The following AFAP1L1 variants were observed in gnomAD, a reference collection of about 807,000 sequenced individuals.
AFAP1L1 encodes the protein actin filament-associated protein 1-like 1.
In AFAP1L1, 77 loss-of-function variants were observed where a neutral mutation model predicts 99.8. The ratio of observed to expected loss-of-function variants is 0.77; its 90% CI spans 0.64 to 0.93. The LOEUF (loss-of-function observed/expected upper bound fraction) is 0.93, where lower values mean the gene tolerates loss of function less well. Ranked by LOEUF, AFAP1L1 falls within the 40% of genes least tolerant of loss-of-function variation. The pLI is 0.00. For missense variants in AFAP1L1, 893 were observed against 996.8 expected, an observed-to-expected ratio of 0.90 and a Z score of 1.40; for synonymous variants, 373 against 395.3, an observed-to-expected ratio of 0.94 and a Z score of 0.67.
At chr5:149,292,045 C>T (rs1182380577) in intron 1 of AFAP1L1, among the ~76,000 whole-genome samples, 1 of 152,204 alleles carries the variant, frequency 6.6e-6, no homozygotes, top group African/African-American at 2.4e-5. Flanking sequence ...TGTATATTTT[C>T]CTATGGCTTT....
intron 4 of AFAP1L1, among the ~76,000 whole-genome samples, chr5:149,302,168 G>T (rs1756242999): frequency 6.6e-6 from 1 of 152,250 alleles, no homozygotes. Context: ...TAAAAAGTAT[G>T]ACTACTACTG....
At chr5:149,310,259 C>G in intron 8 of AFAP1L1, 124 bp downstream of exon 8, 2 of 1,226,564 alleles carry the variant, frequency 1.6e-6, no homozygotes, top group Non-Finnish European at 2.2e-6. Context: ...CCCAAGTGCC[C>G]TCTGCGTGGC....
intron 12 of AFAP1L1, among the ~76,000 whole-genome samples, chr5:149,319,106 A>G (rs1756878592): frequency 6.6e-6 from 1 of 152,226 alleles, no homozygotes; most frequent in Non-Finnish European, 1.5e-5. Context: ...AATTAACATA[A>G]GTCCGTGTTT....
At position 149,307,479 on chromosome 5, in the gene AFAP1L1, C is replaced by T. The variant is rs763237025; in HGVS notation, c.613C>T (p.Arg205Ter). Residue 205 changes from arginine (R) to a stop codon, truncating the protein, a stop_gained, in exon 7 of 19, where the codon CGA becomes TGA. Transcript: ENST00000296721. LOFTEE classifies it high-confidence loss of function. ...GGAGGAAGGGAAGAGCCCGCAGCCC[C>T]GACACCAGTGGCCCTCAGAGGAGGC... The part of the protein sequence containing the change: ...EEEEGKSPQP[R>*]HQWPSEEASM... 1.1e-5 allele frequency: 17 copies of T among 1,614,012 alleles called. No individual in the cohort carries two copies. Among genetic ancestry groups the T allele is most frequent in the African/African-American group, 1.3e-5 (1 of 74,900 alleles).
At chr5:149,311,280 T>C (rs1004875571) in intron 8 of AFAP1L1, among the ~76,000 whole-genome samples, 1 of 152,194 alleles carries the variant, frequency 6.6e-6, no homozygotes. Context: ...AACCTGCCTG[T>C]TGGGGGAGCC....
At chr5:149,337,495 C>G (rs184970922) in intron 18 of AFAP1L1, among the ~76,000 whole-genome samples, 1 of 152,312 alleles carries the variant, frequency 6.6e-6, no homozygotes, top group African/African-American at 2.4e-5. Context: ...ACATATTAAG[C>G]ACCTGCTAAA....
chr5:149,272,805 C>G (rs1238245193), intron 1 of AFAP1L1, among the ~76,000 whole-genome samples: 1 of 152,014 alleles, frequency 6.6e-6, no homozygotes, highest in African/African-American at 2.4e-5. Context: ...CGGGTTCAAG[C>G]GATTCTCCTA....
At chr5:149,321,171 A>G (rs1756942052) in intron 14 of AFAP1L1, among the ~76,000 whole-genome samples, 1 of 152,124 alleles carries the variant, frequency 6.6e-6, no homozygotes, top group Non-Finnish European at 1.5e-5. Context: ...CTGAGTTTTC[A>G]CCTCTAGGAC....
Position 149,343,440 on chromosome 5 carries a change from A to G in AFAP1L1, c.*3410A>G, listed in dbSNP as rs1364465715. On this transcript the variant is annotated 3_prime_UTR_variant, in exon 19 of 19. Transcript: ENST00000296721. ...TGTCAGCTTTCCATCCTAAATCTCT[A>G]AAATTCATCCATATCTTCCTATCTT... Among the ~76,000 whole-genome samples the G allele has an allele frequency of 6.6e-6, 1 of 152,110 alleles. No homozygotes were observed. The highest frequency in any genetic ancestry group is 6.5e-5 in the Admixed American group (1 of 15,274).
At chr5:149,283,949 G>C (rs1003227099) in intron 1 of AFAP1L1, among the ~76,000 whole-genome samples, 1 of 152,232 alleles carries the variant, frequency 6.6e-6, no homozygotes, top group South Asian at 2.1e-4. Flanking sequence ...CAGAGAAAGT[G>C]AAACTTGGTC....
At position 149,295,573 on chromosome 5, in the gene AFAP1L1, T is replaced by C. The variant is rs751277765; in HGVS notation, c.17-3936T>C. Among the ~76,000 whole-genome samples the C allele has an allele frequency of 3.1e-5, 3 of 95,272 alleles. No homozygotes were observed. In the Admixed American group the frequency reaches 3.5e-4, roughly 11 times the overall value. The allele number at this position is 95,272 out of a possible 152,430, so 62.5% of individuals were successfully genotyped here. A position where few individuals can be genotyped will look rare whatever the true frequency, so the allele number is the denominator to read the frequency against. On this transcript the variant is annotated intron_variant, in intron 1 of 18. Transcript: ENST00000296721. ...ACAAAAGAAGGGAGAGAGGGAAAAA[T>C]AAAACGAAAAAAGAAAAAGAGGGAG...
chr5:149,327,029 T>A (rs187616551), intron 15 of AFAP1L1, among the ~76,000 whole-genome samples: 1 of 151,972 alleles, frequency 6.6e-6, no homozygotes, highest in Non-Finnish European at 1.5e-5. Context: ...AAATGACCAG[T>A]TTTCAACAAA....
chr5:149,284,100 G>A (rs1755604918), intron 1 of AFAP1L1, among the ~76,000 whole-genome samples: 1 of 152,218 alleles, frequency 6.6e-6, no homozygotes, highest in African/African-American at 2.4e-5. Flanking sequence ...GTGGAAAGAA[G>A]AGCCCAGAAG....
intron 17 of AFAP1L1, among the ~76,000 whole-genome samples, chr5:149,334,887 AAAAGAAAGAAAGG>A (rs893438331): frequency 2.6e-5 from 4 of 152,252 alleles, no homozygotes; most frequent in African/African-American, 9.6e-5. Flanking sequence ...TTACAAAAAA[AAAAGAAAGAAAGG>A]AAAGAAAGAA....
intron 1 of AFAP1L1, among the ~76,000 whole-genome samples, chr5:149,286,037 T>A (rs1309409857): frequency 1.3e-5 from 2 of 152,126 alleles, no homozygotes; most frequent in African/African-American, 4.8e-5. Flanking sequence ...CTCTGGCGCA[T>A]AGAACAGGGG....
chr5:149,300,478 C>G lies in AFAP1L1; in HGVS notation c.229+124C>G, dbSNP rs948224560. 4 of 759,942 alleles carry G rather than the reference C, an allele frequency of 5.3e-6. No individual in the cohort carries two copies. In the Admixed American group the frequency reaches 1.0e-4, roughly 19 times the overall value. 47.1% of individuals were successfully genotyped at this position (759,942 alleles called of 1,614,324 possible). A position where few individuals can be genotyped will look rare whatever the true frequency, so the allele number is the denominator to read the frequency against. Reference sequence around the variant, plus strand: ...CATCATTAAGTCGCTTTGGGCCAGTCCTTGGCCCCTCTGGGTTCTGCCAGC... The same window carrying G: ...CATCATTAAGTCGCTTTGGGCCAGTGCTTGGCCCCTCTGGGTTCTGCCAGC... On this transcript the variant is annotated intron_variant, in intron 3 of 18. Coordinates refer to ENST00000296721, the MANE Select transcript of AFAP1L1 (RefSeq NM_152406.4).
chr5:149,315,740 A>T, intron 9 of AFAP1L1, 81 bp from the exon 10 acceptor site: 1 of 1,132,574 alleles, frequency 8.8e-7, no homozygotes, highest in Non-Finnish European at 1.3e-6. Flanking sequence ...GGGGAGTTGG[A>T]GGGAGATTGA....
chr5:149,315,228 G>C (rs1561677282), intron 9 of AFAP1L1, among the ~76,000 whole-genome samples: 2 of 152,122 alleles, frequency 1.3e-5, no homozygotes, highest in South Asian at 4.1e-4. Context: ...GGGTGTGTGG[G>C]TGTGTGTCCC....
At chr5:149,282,012 C>A (rs1226628258) in intron 1 of AFAP1L1, among the ~76,000 whole-genome samples, 1 of 152,188 alleles carries the variant, frequency 6.6e-6, no homozygotes, top group African/African-American at 2.4e-5. Flanking sequence ...CTCTCATTAT[C>A]CCGGAATTAA....
Sources: gnomAD v4.1 joint callset for allele counts (sites outside exome capture counted in the v4.1 genomes callset) on GRCh38, gnomAD v4.1.1 for gene constraint, MANE v1.5 for transcripts, NCBI Gene and HGNC (gene_info 2026-07-23, HGNC 2026-07-21) for gene names.